Variants in OOSP4B observed in about 807,000 individuals in gnomAD.
OOSP4B encodes the protein oocyte-secreted protein 4B.
intron 3 of OOSP4B, among the ~76,000 whole-genome samples, chr11:60,027,655 T>TAAAAAA (rs61649958): frequency 9.6e-5 from 6 of 62,230 alleles, no homozygotes; most frequent in Non-Finnish European, 1.3e-4. Context: ...GCTATGATAT[T>TAAAAAA]AAAAAAAAAA....
At chr11:60,028,320 C>G (rs1322025195) in intron 3 of OOSP4B, among the ~76,000 whole-genome samples, 1 of 151,840 alleles carries the variant, frequency 6.6e-6, no homozygotes, top group East Asian at 1.9e-4. Flanking sequence ...CATACCCCAC[C>G]ATGCCAGACT....
intron 3 of OOSP4B, among the ~76,000 whole-genome samples, chr11:60,029,060 T>A (rs1050016673): frequency 6.6e-6 from 1 of 152,308 alleles, no homozygotes; most frequent in African/African-American, 2.4e-5. Context: ...CGCAGTCCAT[T>A]TTTCTCCCAG....
exon 4 of OOSP4B, chr11:60,029,865 G>A: frequency 5.0e-6 from 2 of 398,416 alleles, no homozygotes; most frequent in Non-Finnish European, 8.9e-6. Flanking sequence ...AAAACAAAAG[G>A]ACAAGAGTCA....
intron 3 of OOSP4B, among the ~76,000 whole-genome samples, chr11:60,027,298 C>G (rs1483164963): frequency 6.6e-6 from 1 of 152,052 alleles, no homozygotes; most frequent in East Asian, 1.9e-4. Context: ...TGGGGTGTCT[C>G]CCTCTCTTGC....
chr11:60,019,660 G>C (rs997595692), intron 1 of OOSP4B: 37 of 152,594 alleles, frequency 2.4e-4, no homozygotes, highest in African/African-American at 8.7e-4. Context: ...CTGGCTTCGG[G>C]AGCGAAGCTG....
chr11:60,024,326 A>G (rs1198133882), intron 2 of OOSP4B, among the ~76,000 whole-genome samples: 1 of 152,158 alleles, frequency 6.6e-6, no homozygotes, highest in East Asian at 1.9e-4. Flanking sequence ...GATCACCTGA[A>G]GTCAGGAGTT....
intron 3 of OOSP4B, 100 bp downstream of exon 3, chr11:60,025,105 G>A: frequency 2.5e-6 from 1 of 394,604 alleles, no homozygotes; most frequent in Non-Finnish European, 4.5e-6. Flanking sequence ...GGAGGGATGT[G>A]TATGGCATAA....
At position 60,025,797 on chromosome 11, in the gene OOSP4B, G is replaced by T. The variant is rs535639337; in HGVS notation, c.302+792G>T. Reference sequence around the variant, plus strand: ...ACTGCTTGATCATAGAGTATGTTTAGTTTTGTAAGAAATGATGAATATTTT... The same window carrying T: ...ACTGCTTGATCATAGAGTATGTTTATTTTTGTAAGAAATGATGAATATTTT... On this transcript the variant is annotated intron_variant, in intron 3 of 4. Transcript: ENST00000642343. Among the ~76,000 whole-genome samples the T allele has an allele frequency of 3.9e-4, 60 of 152,258 alleles. 1 individual carries two copies. The highest frequency in any genetic ancestry group is 1.4e-3 in the African/African-American group (57 of 41,556).
intron 1 of OOSP4B, chr11:60,021,653 C>G (rs1854691306): frequency 1.3e-5 from 2 of 152,332 alleles, no homozygotes; most frequent in South Asian, 4.1e-4. Flanking sequence ...AAGACATTAT[C>G]TGTCCTATCT....
chr11:60,024,840 C>T, intron 2 of OOSP4B, 68 bp from the exon 3 acceptor site: 1 of 397,118 alleles, frequency 2.5e-6, no homozygotes, highest in Non-Finnish European at 4.4e-6. Context: ...AAAGCAGATT[C>T]TATTAAGATC....
chr11:60,021,482 GA>G (rs999152441), intron 1 of OOSP4B: 8 of 152,166 alleles, frequency 5.3e-5, no homozygotes, highest in African/African-American at 1.9e-4. Flanking sequence ...ATGTTCAGTG[GA>G]CAAAGAAGAC....
chr11:60,017,515 T>C lies in OOSP4B; in HGVS notation c.22+102T>C, dbSNP rs548341864. 12 of 398,218 alleles carry C rather than the reference T, an allele frequency of 3.0e-5. No homozygotes were observed. The South Asian group carries it at 1.6e-3, about 52-fold the overall frequency. 24.7% of individuals were successfully genotyped at this position (398,218 alleles called of 1,614,324 possible). ...GAGGTGGTGATTTAAACTGATAAGA[T>C]TACTTTCTAAAACACTGCTGTGTAA... On this transcript the variant is annotated intron_variant, in intron 1 of 4. Transcript: ENST00000642343.
intron 4 of OOSP4B, among the ~76,000 whole-genome samples, chr11:60,030,257 A>G (rs1445117543): frequency 6.6e-6 from 1 of 152,094 alleles, no homozygotes; most frequent in African/African-American, 2.4e-5. Flanking sequence ...TCATACTAAT[A>G]TTTGTAGAAA....
In OOSP4B at chr11:60,024,056, A is replaced by G. The variant is rs575206992; in HGVS notation, c.199A>G (p.Lys67Glu). ...TCCTGTCACTTCTTGTGGGATCAAGAAAATTGTAAGTGCCATGATGCTTTT... is the reference window on the plus strand; with the variant it reads ...TCCTGTCACTTCTTGTGGGATCAAGGAAATTGTAAGTGCCATGATGCTTTT... The change falls in exon 2 of 5, where the codon AAA becomes GAA. Residue 67 changes from lysine (K) to glutamate (E), a missense_variant. By Grantham distance (56) the Lys-to-Glu change is moderately conservative. Transcript: ENST00000642343. The G allele has an allele frequency of 2.1e-3, 832 of 398,584 alleles. 1 individual carries two copies. The highest frequency in any genetic ancestry group is 3.3e-3 in the Non-Finnish European group (756 of 226,050). The allele number at this position is 398,584 out of a possible 1,614,324, so 24.7% of individuals were successfully genotyped here. A position where few individuals can be genotyped will look rare whatever the true frequency, so the allele number is the denominator to read the frequency against.
chr11:60,023,961 T>C (rs376484988), exon 2 of OOSP4B: 4 of 398,618 alleles, frequency 1.0e-5, no homozygotes, highest in Non-Finnish European at 4.4e-6. Flanking sequence ...GACATTAGAA[T>C]TGGCGACATA....
intron 1 of OOSP4B, chr11:60,019,541 T>G (rs1441713816): frequency 6.4e-6 from 1 of 155,328 alleles, no homozygotes; most frequent in African/African-American, 2.4e-5. Context: ...GGTGGGTTCG[T>G]GGTCTCGCTG....
At chr11:60,020,146 A>G (rs1158234845) in intron 1 of OOSP4B, among the ~76,000 whole-genome samples, 1 of 152,236 alleles carries the variant, frequency 6.6e-6, no homozygotes. Flanking sequence ...TTAGCTAGAC[A>G]TAAAGATTCT....
chr11:60,024,129 A>C, intron 2 of OOSP4B, 68 bp downstream of exon 2: 2 of 398,158 alleles, frequency 5.0e-6, no homozygotes, highest in Non-Finnish European at 8.9e-6. Flanking sequence ...ATAGTATCAA[A>C]AGTTCCTTCC....
At chr11:60,028,348 T>C (rs1854767206) in intron 3 of OOSP4B, among the ~76,000 whole-genome samples, 1 of 151,894 alleles carries the variant, frequency 6.6e-6, no homozygotes, top group South Asian at 2.1e-4. Context: ...ATATTTTTAG[T>C]AGAGATGAGG....
Sources: allele counts gnomAD v4.1 joint callset (sites outside exome capture counted in the v4.1 genomes callset), GRCh38; gene constraint gnomAD v4.1.1; transcripts MANE v1.5; gene names NCBI Gene and HGNC (gene_info 2026-07-23, HGNC 2026-07-21).